The following GPRIN3 variants were observed in gnomAD, a reference collection of about 807,000 sequenced individuals.
GPRIN3 encodes GPRIN family member 3, also known as G protein-regulated inducer of neurite outgrowth 3.
A neutral mutation model predicts 13.7 loss-of-function variants in GPRIN3; 12 were observed. The ratio of observed to expected loss-of-function variants is 0.87; its 90% CI spans 0.56 to 1.42. GPRIN3 has a LOEUF of 1.42. Among genes scored for constraint, GPRIN3 ranks in the 40% most tolerant of loss-of-function variants. The pLI, the probability that GPRIN3 is intolerant of heterozygous loss-of-function variation, is 0.00. For synonymous variants in GPRIN3, 377 were observed against 372.7 expected (o/e 1.01, Z -0.13); for missense variants, 1,009 against 958.7 (o/e 1.05, Z -0.69).
chr4:89,295,596 T>G (rs7687888), intron 1 of GPRIN3, among the ~76,000 whole-genome samples: 92,545 of 151,892 alleles, frequency 0.61, 28,521 homozygotes, highest in Non-Finnish European at 0.66. Flanking sequence ...AAAGGCAGAA[T>G]GGGCCTAAAA....
intron 1 of GPRIN3, among the ~76,000 whole-genome samples, chr4:89,285,376 A>C (rs961562731): frequency 2.0e-5 from 3 of 152,184 alleles, no homozygotes; most frequent in African/African-American, 7.2e-5. Flanking sequence ...ATCCCTAAAC[A>C]TATGAGCCTT....
At chr4:89,255,417 G>A (rs1022157019) in intron 1 of GPRIN3, among the ~76,000 whole-genome samples, 7 of 152,200 alleles carry the variant, frequency 4.6e-5, no homozygotes, top group South Asian at 2.1e-4. Flanking sequence ...CTGTGTTAAA[G>A]TAAAAGTTAT....
Position 89,264,673 on chromosome 4 carries a change from C to T in GPRIN3, c.-123-14440G>A, listed in dbSNP as rs78969191. On this transcript the variant is annotated intron_variant, in intron 1 of 1. Coordinates refer to ENST00000609438, the MANE Select transcript of GPRIN3 (RefSeq NM_198281.3). The stretch of plus-strand genomic sequence containing the variant: ...AGAATAAGGGGCAAGATTAGAGATA[C>T]GAGGTGGAGGGATCATGCAGGGCTT... Among the ~76,000 whole-genome samples the T allele has an allele frequency of 4.7e-3, 718 of 152,164 alleles. 8 individuals are homozygous for T. The highest frequency in any genetic ancestry group is 0.017 in the African/African-American group (693 of 41,518).
rs1722805566 is a variant in GPRIN3 at position 89,236,858 on chromosome 4, A to G, written c.*10922T>C. On this transcript the variant is annotated 3_prime_UTR_variant, in exon 2 of 2. Coordinates refer to ENST00000609438, the MANE Select transcript of GPRIN3 (RefSeq NM_198281.3). ...ACATTATACCTCCTAAGGTTGAGAC[A>G]TAGATGGAAGTGCCCAGCAAAACGT... The G allele has an allele frequency of 6.6e-6, 1 of 152,222 alleles. No individual in the cohort carries two copies. Among genetic ancestry groups the G allele is most frequent in the South Asian group, 2.1e-4 (1 of 4,832 alleles). 9.4% of individuals were successfully genotyped at this position (152,222 alleles called of 1,614,324 possible). A position where few individuals can be genotyped will look rare whatever the true frequency, so the allele number is the denominator to read the frequency against.
chr4:89,251,544 T>C (rs1723325937), intron 1 of GPRIN3, among the ~76,000 whole-genome samples: 1 of 152,172 alleles, frequency 6.6e-6, no homozygotes, highest in South Asian at 2.1e-4. Flanking sequence ...AACAGACTGG[T>C]CTTTATAAAT....
chr4:89,273,033 T>C (rs1350175226), intron 1 of GPRIN3, among the ~76,000 whole-genome samples: 1 of 152,166 alleles, frequency 6.6e-6, no homozygotes, highest in Non-Finnish European at 1.5e-5. Flanking sequence ...TTGTAGATCA[T>C]TTATTTTTCT....
intron 1 of GPRIN3, among the ~76,000 whole-genome samples, chr4:89,251,705 T>C (rs1212020663): frequency 6.6e-6 from 1 of 152,218 alleles, no homozygotes; most frequent in Non-Finnish European, 1.5e-5. Context: ...AAACAGCATA[T>C]ACATTTTCAT....
chr4:89,304,847 C>T (rs1425527869), intron 1 of GPRIN3, among the ~76,000 whole-genome samples: 1 of 152,016 alleles, frequency 6.6e-6, no homozygotes, highest in African/African-American at 2.4e-5. Flanking sequence ...ACCTCTATTC[C>T]CTCATTCTCT....
intron 1 of GPRIN3, among the ~76,000 whole-genome samples, chr4:89,272,330 C>A (rs1300623736): frequency 6.6e-6 from 1 of 152,148 alleles, no homozygotes; most frequent in Non-Finnish European, 1.5e-5. Flanking sequence ...ATGGCAATTG[C>A]TGGTGTTGGG....
rs368623392 is a variant in GPRIN3, at chr4:89,247,747, A to C, written c.*33T>G. On this transcript the variant is annotated 3_prime_UTR_variant, in exon 2 of 2. Transcript: ENST00000609438. ...TAGAGGGACGCATGTGAATACCGTA[A>C]ATTTATACACAAACTCCCATAAATA... is the stretch of plus-strand genomic sequence containing the variant. 2.2e-5 allele frequency: 34 copies of C among 1,563,234 alleles called. No homozygotes were observed. The highest frequency in any genetic ancestry group is 2.8e-5 in the Non-Finnish European group (32 of 1,153,004).
intron 1 of GPRIN3, among the ~76,000 whole-genome samples, chr4:89,291,533 T>C (rs571532157): frequency 6.6e-6 from 1 of 152,370 alleles, no homozygotes; most frequent in South Asian, 2.1e-4. Context: ...CTGGACATTG[T>C]TTCACTGCAT....
At position 89,246,631 on chromosome 4, in the gene GPRIN3, T is replaced by C. The variant is rs1162145774; in HGVS notation, c.*1149A>G. The C allele has an allele frequency of 6.6e-6, 1 of 152,192 alleles. No individual in the cohort carries two copies. Among genetic ancestry groups the C allele is most frequent in the Non-Finnish European group, 1.5e-5 (1 of 68,040 alleles). The allele number at this position is 152,192 out of a possible 1,614,324, so 9.4% of individuals were successfully genotyped here. On this transcript the variant is annotated 3_prime_UTR_variant, in exon 2 of 2. Coordinates refer to ENST00000609438, the MANE Select transcript of GPRIN3 (RefSeq NM_198281.3). ...CAGAAGTTACCTTTTTACTCCAGCATATATATTTAAGCAATTAGATGATAG... is the reference window on the plus strand; with the variant it reads ...CAGAAGTTACCTTTTTACTCCAGCACATATATTTAAGCAATTAGATGATAG...
At chr4:89,286,688 T>C (rs1156721920) in intron 1 of GPRIN3, among the ~76,000 whole-genome samples, 1 of 152,202 alleles carries the variant, frequency 6.6e-6, no homozygotes, top group Non-Finnish European at 1.5e-5. Flanking sequence ...CACCAATTAC[T>C]GATAGGGAAG....
At position 89,237,938 on chromosome 4, in the gene GPRIN3, A is replaced by G. The variant is rs1722827057; in HGVS notation, c.*9842T>C. 1 of 152,228 alleles carries G rather than the reference A, an allele frequency of 6.6e-6. No homozygotes were observed. The highest frequency in any genetic ancestry group is 1.5e-5 in the Non-Finnish European group (1 of 68,044). 9.4% of individuals were successfully genotyped at this position (152,228 alleles called of 1,614,324 possible). ...TGGTGGGACATAAACAGCTATAGGCATAAGACAAACCATCTCGGCCCTCCT... is the reference window on the plus strand; with the variant it reads ...TGGTGGGACATAAACAGCTATAGGCGTAAGACAAACCATCTCGGCCCTCCT... On this transcript the variant is annotated 3_prime_UTR_variant, in exon 2 of 2. Transcript: ENST00000609438.
chr4:89,255,463 C>T (rs1723441129), intron 1 of GPRIN3, among the ~76,000 whole-genome samples: 1 of 152,104 alleles, frequency 6.6e-6, no homozygotes, highest in African/African-American at 2.4e-5. Flanking sequence ...AGACTTTATT[C>T]AGGACTTTTG....
At chr4:89,258,365 C>T (rs1047356692) in intron 1 of GPRIN3, among the ~76,000 whole-genome samples, 2 of 151,904 alleles carry the variant, frequency 1.3e-5, no homozygotes, top group Admixed American at 6.6e-5. Flanking sequence ...TAAAGGCATG[C>T]ACCACAACAC....
intron 1 of GPRIN3, among the ~76,000 whole-genome samples, chr4:89,307,224 T>C (rs1725057581): frequency 6.6e-6 from 1 of 151,922 alleles, no homozygotes; most frequent in South Asian, 2.1e-4. Flanking sequence ...TATATTTCTA[T>C]GTTTTGACCT....
In GPRIN3 at chr4:89,242,540, A is replaced by T. The variant is rs950808784; in HGVS notation, c.*5240T>A. On this transcript the variant is annotated 3_prime_UTR_variant, in exon 2 of 2. Coordinates refer to ENST00000609438, the MANE Select transcript of GPRIN3 (RefSeq NM_198281.3). ...CATAGATGCCAACTGTATCCTGACT[A>T]ATGCTCATTAGTGCTGTACCTCTTT... is the stretch of plus-strand genomic sequence containing the variant. 9 of 152,168 alleles carry T rather than the reference A, an allele frequency of 5.9e-5. No individual in the cohort carries two copies. Among genetic ancestry groups the T allele is most frequent in the African/African-American group, 2.2e-4 (9 of 41,446 alleles). 9.4% of individuals were successfully genotyped at this position (152,168 alleles called of 1,614,324 possible). A position where few individuals can be genotyped will look rare whatever the true frequency, so the allele number is the denominator to read the frequency against.
chr4:89,248,020 AC>A lies in GPRIN3; in HGVS notation c.2090del (p.Gly697ValfsTer27), dbSNP rs748041484. 6.2e-7 allele frequency: 1 copy of A among 1,614,130 alleles called. No homozygotes were observed. The highest frequency in any genetic ancestry group is 8.5e-7 in the Non-Finnish European group (1 of 1,180,004). ...CCAGGGACTCTGCGTCCAAGGATGC[AC>A]CATACACTTCCCAGGTCATTCCCTG... ...DEQGMTWEVY[G>X]ASLDAESLGI... On this transcript the variant is annotated frameshift_variant, in exon 2 of 2. Coordinates refer to ENST00000609438, the MANE Select transcript of GPRIN3 (RefSeq NM_198281.3). LOFTEE classifies it high-confidence loss of function.
Sources: allele counts gnomAD v4.1 joint callset (sites outside exome capture counted in the v4.1 genomes callset), GRCh38; gene constraint gnomAD v4.1.1; transcripts MANE v1.5; gene names NCBI Gene and HGNC (gene_info 2026-07-23, HGNC 2026-07-21).